TVP23C: variants seen among roughly 807,000 people sequenced by gnomAD.
The protein encoded by TVP23C is trans-golgi network vesicle protein 23 homolog C, also known as Golgi apparatus membrane protein TVP23 homolog C.
Under a neutral mutation model 28.7 loss-of-function variants are expected in TVP23C, and 19 were observed. That is an observed-to-expected ratio of 0.66 (90% CI 0.46 to 0.97). The LOEUF (loss-of-function observed/expected upper bound fraction) is 0.97, where lower values mean the gene tolerates loss of function less well. Among genes scored for constraint, TVP23C ranks in the 50% least tolerant of loss-of-function variants. TVP23C has a pLI of 0.00. For missense variants in TVP23C, 186 were observed against 241.3 expected, an observed-to-expected ratio of 0.77 and a Z score of 1.52; for synonymous variants, 68 against 81.7, an observed-to-expected ratio of 0.83 and a Z score of 0.90.
intron 5 of TVP23C, chr17:15,507,207 G>A: frequency 1.4e-6 from 1 of 729,192 alleles, no homozygotes; most frequent in Admixed American, 1.8e-5. Flanking sequence ...CATCTGCACT[G>A]CCAAGACAGC....
chr17:15,536,166 G>C (rs1411302761), downstream of TVP23C, among the ~76,000 whole-genome samples: 10 of 152,190 alleles, frequency 6.6e-5, no homozygotes, highest in Non-Finnish European at 1.2e-4. Context: ...CTCCAGCCTG[G>C]GTGACAAGAG....
intron 2 of TVP23C, among the ~76,000 whole-genome samples, chr17:15,554,382 C>T (rs1387725923): frequency 1.3e-5 from 2 of 151,538 alleles, no homozygotes; most frequent in African/African-American, 4.8e-5. Flanking sequence ...GGACTACAGG[C>T]GCCTGCCACC....
At chr17:15,531,446 T>A (rs1982946746) in intron 5 of TVP23C, among the ~76,000 whole-genome samples, 1 of 152,242 alleles carries the variant, frequency 6.6e-6, no homozygotes, top group African/African-American at 2.4e-5. Context: ...GGTAACTTGA[T>A]AAAATGCCAC....
intron 5 of TVP23C, among the ~76,000 whole-genome samples, chr17:15,529,663 A>C (rs1270559391): frequency 1.3e-5 from 2 of 151,816 alleles, no homozygotes; most frequent in Admixed American, 1.3e-4. Context: ...TAGCATAGTC[A>C]CTCCAGCTAT....
chr17:15,512,139 T>G (rs1308711731), intron 5 of TVP23C, among the ~76,000 whole-genome samples: 1 of 152,164 alleles, frequency 6.6e-6, no homozygotes, highest in Non-Finnish European at 1.5e-5. Context: ...GAACCACTGA[T>G]TTACATGGTT....
chr17:15,503,449 C>A (rs1981582733), intron 5 of TVP23C: 1 of 505,792 alleles, frequency 2.0e-6, no homozygotes, highest in African/African-American at 1.9e-5. Flanking sequence ...CTTTAGAACG[C>A]CTCAGTGCTT....
intron 5 of TVP23C, among the ~76,000 whole-genome samples, chr17:15,524,063 G>GGTGTGTGTGTGTGTGTGT (rs10578424): frequency 7.3e-6 from 1 of 136,260 alleles, no homozygotes; most frequent in African/African-American, 2.8e-5. Context: ...AGCAGAGTGG[G>GGTGTGTGTGTGTGTGTGT]GTGTGTGTGT....
downstream of TVP23C, among the ~76,000 whole-genome samples, chr17:15,533,581 C>T (rs2532478): frequency 2.0e-5 from 3 of 152,166 alleles, no homozygotes; most frequent in Non-Finnish European, 2.9e-5. Flanking sequence ...TTATTGTCAA[C>T]GTCCACCCGT....
chr17:15,517,612 T>C (rs1982285483), intron 5 of TVP23C, among the ~76,000 whole-genome samples: 1 of 152,196 alleles, frequency 6.6e-6, no homozygotes, highest in Admixed American at 6.5e-5. Flanking sequence ...ACAGTCGACC[T>C]ATATGGGTGC....
At chr17:15,525,392 G>A (rs1982677624) in intron 5 of TVP23C, among the ~76,000 whole-genome samples, 2 of 152,208 alleles carry the variant, frequency 1.3e-5, no homozygotes, top group Non-Finnish European at 2.9e-5. Flanking sequence ...GGTGTTGTTT[G>A]CTTTGAAGCT....
At chr17:15,542,064 C>T (rs1361902154) in intron 5 of TVP23C, among the ~76,000 whole-genome samples, 1 of 152,140 alleles carries the variant, frequency 6.6e-6, no homozygotes, top group Non-Finnish European at 1.5e-5. Flanking sequence ...TAAACTAATA[C>T]CAACAAACAC....
At chr17:15,527,631 GGTAA>G (rs1982782583) in intron 5 of TVP23C, among the ~76,000 whole-genome samples, 2 of 152,074 alleles carry the variant, frequency 1.3e-5, no homozygotes, top group South Asian at 4.1e-4. Flanking sequence ...ACCTCAAGAG[GGTAA>G]GTATTTACTT....
intron 2 of TVP23C, 51 bp downstream of exon 2, chr17:15,555,231 A>G (rs1404602192): frequency 6.2e-7 from 1 of 1,613,410 alleles, no homozygotes; most frequent in Non-Finnish European, 8.5e-7. Flanking sequence ...ACTGACATAC[A>G]TACAGAACAA....
intron 5 of TVP23C, among the ~76,000 whole-genome samples, chr17:15,530,077 G>A (rs1054402071): frequency 2.0e-5 from 3 of 152,158 alleles, no homozygotes; most frequent in Non-Finnish European, 2.9e-5. Context: ...GGGATTACAG[G>A]CGTGAGCCAC....
chr17:15,548,644 C>T (rs190904962), intron 3 of TVP23C, among the ~76,000 whole-genome samples: 2 of 152,272 alleles, frequency 1.3e-5, no homozygotes, highest in East Asian at 3.9e-4. Context: ...ATTGTTTATG[C>T]TCACCACTGC....
At chr17:15,503,788 G>T (rs1036704313) in intron 5 of TVP23C, among the ~76,000 whole-genome samples, 2 of 152,172 alleles carry the variant, frequency 1.3e-5, no homozygotes, top group African/African-American at 4.8e-5. Context: ...AAAGGCCATC[G>T]TAAGGCTTCA....
At position 15,551,166 on chromosome 17, in the gene TVP23C, G is replaced by C. The variant is rs373425726; in HGVS notation, c.240+2519C>G. Among the ~76,000 whole-genome samples, 3 of 151,462 alleles carry C rather than the reference G, an allele frequency of 2.0e-5. No homozygotes were observed. In the South Asian group the frequency reaches 6.2e-4, roughly 31 times the overall value. ...GAGTCTTGCTCTGTTGCCCAGGCTA[G>C]AGTGCAGTGGCGCGATCTCGGCTCA... On this transcript the variant is annotated intron_variant, in intron 3 of 5. Coordinates refer to ENST00000518321, the MANE Select transcript of TVP23C (RefSeq NM_001135036.2).
chr17:15,553,561 T>C, intron 3 of TVP23C, 124 bp downstream of exon 3: 1 of 1,195,252 alleles, frequency 8.4e-7, no homozygotes, highest in South Asian at 1.7e-5. Flanking sequence ...TTGATATATC[T>C]AGCACTTCAA....
exon 6 of TVP23C, chr17:15,503,037 G>A (rs758428926): frequency 1.7e-5 from 27 of 1,613,868 alleles, no homozygotes; most frequent in African/African-American, 1.3e-5. Flanking sequence ...GAACTAAGGC[G>A]GGGCGCAGGT....
Sources: allele counts gnomAD v4.1 joint callset (sites outside exome capture counted in the v4.1 genomes callset), GRCh38; gene constraint gnomAD v4.1.1; transcripts MANE v1.5; gene names NCBI Gene and HGNC (gene_info 2026-07-23, HGNC 2026-07-21).